KANSL1L: variants seen among roughly 807,000 people sequenced by gnomAD.
The protein encoded by KANSL1L is KAT8 regulatory NSL complex subunit 1 like.
In KANSL1L, 25 loss-of-function variants were observed where a neutral mutation model predicts 108.6. The observed-to-expected ratio is 0.23, with a 90% CI of 0.17 to 0.32. KANSL1L has a LOEUF of 0.32. KANSL1L is among the 10% of genes least tolerant of loss of function. The pLI, the probability that KANSL1L is intolerant of heterozygous loss-of-function variation, is 1.00. For synonymous variants in KANSL1L, 405 were observed against 395.1 expected, an observed-to-expected ratio of 1.03 and a Z score of -0.30; for missense variants, 1,137 against 1,125.7, an observed-to-expected ratio of 1.01 and a Z score of -0.14.
chr2:210,118,801 G>GC (rs1461460233), intron 3 of KANSL1L, among the ~76,000 whole-genome samples: 1 of 150,484 alleles, frequency 6.6e-6, no homozygotes, highest in Non-Finnish European at 1.5e-5. Flanking sequence ...TCGAAATTGT[G>GC]CCACTCCACT....
At chr2:210,149,144 C>T (rs1173280519) in intron 2 of KANSL1L, among the ~76,000 whole-genome samples, 3 of 151,968 alleles carry the variant, frequency 2.0e-5, no homozygotes, top group Non-Finnish European at 4.4e-5. Context: ...CACAATGCAA[C>T]TCCACAATGA....
chr2:210,154,867 T>G (rs2095324612), intron 1 of KANSL1L, among the ~76,000 whole-genome samples: 1 of 151,988 alleles, frequency 6.6e-6, no homozygotes, highest in South Asian at 2.1e-4. Flanking sequence ...TATTTGTGGA[T>G]GTAATTACAT....
intron 2 of KANSL1L, chr2:210,151,799 G>A (rs754119062): frequency 1.7e-4 from 26 of 152,224 alleles, no homozygotes; most frequent in Middle Eastern, 3.4e-3. Flanking sequence ...AATTCCACAT[G>A]CAAACAAATT....
intron 4 of KANSL1L, among the ~76,000 whole-genome samples, chr2:210,098,586 C>T (rs114475019): frequency 0.017 from 2,560 of 152,114 alleles, 79 homozygotes; most frequent in African/African-American, 0.059. Context: ...TTAGGCACCA[C>T]ACATAGAATA....
chr2:210,043,907 C>G, intron 7 of KANSL1L, 32 bp downstream of exon 7: 1 of 1,412,808 alleles, frequency 7.1e-7, no homozygotes. Flanking sequence ...CAGAAAATAT[C>G]GTTACTTAGA....
chr2:210,024,103 C>A lies in KANSL1L; in HGVS notation c.2663G>T (p.Gly888Val). Residue 888 changes from glycine (G) to valine (V), a missense_variant, in exon 14 of 15, where the codon GGG becomes GTG. Coordinates refer to ENST00000281772, the MANE Select transcript of KANSL1L (RefSeq NM_152519.4). ...CAGATCCTGGTTCTCTGAAGGAAGC[C>A]CAGGAGGACTTGCAGCAGCACATTG... ...SQQCAAASPP[G>V]LPSENQDLCA... 4 of 1,608,516 alleles carry A rather than the reference C, an allele frequency of 2.5e-6. No homozygotes were observed. The highest frequency in any genetic ancestry group is 3.4e-6 in the Non-Finnish European group (4 of 1,177,220).
chr2:210,025,286 G>C lies in KANSL1L; in HGVS notation c.2452-70C>G, dbSNP rs143014339. 6.7e-4 allele frequency: 623 copies of C among 928,024 alleles called. No homozygotes were observed. The African/African-American group carries it at 8.6e-3, about 13-fold the overall frequency. The allele number at this position is 928,024 out of a possible 1,614,324, so 57.5% of individuals were successfully genotyped here. A position where few individuals can be genotyped will look rare whatever the true frequency, so the allele number is the denominator to read the frequency against. On this transcript the variant is annotated intron_variant, in intron 12 of 14. Coordinates refer to ENST00000281772, the MANE Select transcript of KANSL1L (RefSeq NM_152519.4). ...GAAATATAAGATCAGGCTGGGCACG[G>C]TGGCTCACGCCTGTAATCCCAACAC...
chr2:210,089,964 T>C (rs2125380190), intron 5 of KANSL1L, among the ~76,000 whole-genome samples: 1 of 152,326 alleles, frequency 6.6e-6, no homozygotes, highest in East Asian at 1.9e-4. Flanking sequence ...TACACAGTTG[T>C]GTGCAAAGGG....
At chr2:210,096,743 G>T in intron 5 of KANSL1L, 1 of 956,610 alleles carries the variant, frequency 1.0e-6, no homozygotes, top group Non-Finnish European at 1.2e-6. Flanking sequence ...GAATCTTTAC[G>T]TTCAACATGT....
intron 1 of KANSL1L, among the ~76,000 whole-genome samples, chr2:210,166,010 G>A (rs1044586256): frequency 1.8e-4 from 27 of 152,090 alleles, no homozygotes; most frequent in Non-Finnish European, 7.4e-5. Flanking sequence ...TCATATGTAT[G>A]TATGGTTAGA....
chr2:210,040,270 A>G (rs2094149933), intron 8 of KANSL1L, 150 bp downstream of exon 8: 2 of 561,908 alleles, frequency 3.6e-6, no homozygotes, highest in South Asian at 5.4e-5. Context: ...CTTGTATTTT[A>G]TGTGTACATG....
chr2:210,084,727 C>T (rs1044473016), intron 5 of KANSL1L, among the ~76,000 whole-genome samples: 1 of 152,022 alleles, frequency 6.6e-6, no homozygotes, highest in Non-Finnish European at 1.5e-5. Flanking sequence ...AATTCTCCTG[C>T]CTCAGCCTCC....
At chr2:210,081,022 G>A (rs984161924) in intron 5 of KANSL1L, among the ~76,000 whole-genome samples, 5 of 151,946 alleles carry the variant, frequency 3.3e-5, no homozygotes, top group Middle Eastern at 3.4e-3. Flanking sequence ...CATGAGAATC[G>A]CGTGAACCAG....
rs570272533 is a variant in KANSL1L at position 210,044,869 on chromosome 2, A to G, written c.1756-765T>C. On this transcript the variant is annotated intron_variant, in intron 6 of 14. Transcript: ENST00000281772. This position sits in a 1 kb window ranked among gnomAD's most constrained non-coding sequence, Gnocchi z 4.2. Reference sequence around the variant, plus strand: ...ACTGCAACTTCTGCCTCCCGGGTTCAAGCGATTCTCCTGCCTCAGCCTCCT... The same window carrying G: ...ACTGCAACTTCTGCCTCCCGGGTTCGAGCGATTCTCCTGCCTCAGCCTCCT... Among the ~76,000 whole-genome samples the G allele has an allele frequency of 1.3e-5, 2 of 152,214 alleles. No individual in the cohort carries two copies. The highest frequency in any genetic ancestry group is 4.8e-5 in the African/African-American group (2 of 41,516).
chr2:210,090,458 T>C (rs2094683461), intron 5 of KANSL1L, among the ~76,000 whole-genome samples: 1 of 152,168 alleles, frequency 6.6e-6, no homozygotes, highest in Non-Finnish European at 1.5e-5. Flanking sequence ...ATATAAATAT[T>C]TAGGCACCAC....
At chr2:210,098,554 C>G (rs2094761308) in intron 4 of KANSL1L, among the ~76,000 whole-genome samples, 1 of 152,038 alleles carries the variant, frequency 6.6e-6, no homozygotes, top group African/African-American at 2.4e-5. Context: ...TATTAAGTGC[C>G]TACTATGTGC....
chr2:210,031,763 A>G (rs572769186), intron 8 of KANSL1L, among the ~76,000 whole-genome samples: 8 of 152,308 alleles, frequency 5.3e-5, no homozygotes, highest in African/African-American at 1.2e-4. Flanking sequence ...TGAAAAGGGA[A>G]GATGATCTGT....
Position 210,154,301 on chromosome 2 carries a change from C to T in KANSL1L, c.282G>A (p.Glu94=), listed in dbSNP as rs141699386. ...RSNSTLNKHN[E]NYKQKKLGEP... is the part of the protein sequence containing the mutation. ...CCCCTAATTTCTTTTGTTTATAATT[C>T]TCATTGTGTTTATTTAATGTAGAAT... Residue 94 remains glutamate, a synonymous_variant, in exon 2 of 15, where the codon GAG becomes GAA. Transcript: ENST00000281772. The T allele has an allele frequency of 7.1e-5, 115 of 1,612,932 alleles. 1 individual carries two copies. In the African/African-American group the frequency reaches 1.4e-3, roughly 20 times the overall value.
At chr2:210,113,210 A>T (rs1238508943) in intron 3 of KANSL1L, among the ~76,000 whole-genome samples, 2 of 151,514 alleles carry the variant, frequency 1.3e-5, no homozygotes, top group African/African-American at 2.4e-5. Flanking sequence ...AGCACCCTTT[A>T]AAAAAAAATC....
Sources: gnomAD v4.1 joint callset for allele counts (sites outside exome capture counted in the v4.1 genomes callset) on GRCh38, gnomAD v4.1.1 for gene constraint, Gnocchi (gnomAD v3.1) non-coding constraint, MANE v1.5 for transcripts, NCBI Gene and HGNC (gene_info 2026-07-23, HGNC 2026-07-21) for gene names.